Variants in ASXL3 observed in about 807,000 individuals in gnomAD.
ASXL3 encodes putative Polycomb group protein ASXL3.
A neutral mutation model predicts 170.6 loss-of-function variants in ASXL3; 34 were observed. The observed-to-expected ratio is 0.20, with a 90% CI of 0.15 to 0.27. The LOEUF is 0.27. ASXL3 is among the 10% of genes least tolerant of loss of function. The pLI is 1.00. For missense variants in ASXL3, 2,592 were observed against 2,695.3 expected, an observed-to-expected ratio of 0.96 and a Z score of 0.85; for synonymous variants, 1,002 against 989.1, an observed-to-expected ratio of 1.01 and a Z score of -0.24.
intron 2 of ASXL3, among the ~76,000 whole-genome samples, chr18:33,621,290 T>C (rs766177999): frequency 3.9e-5 from 6 of 152,136 alleles, no homozygotes; most frequent in Non-Finnish European, 7.4e-5. Context: ...AAGAAGAATG[T>C]ACAAAAGTAT....
chr18:33,742,817 T>G, intron 11 of ASXL3, 71 bp from the exon 12 acceptor site: 1 of 1,488,044 alleles, frequency 6.7e-7, no homozygotes, highest in Non-Finnish European at 8.9e-7. Flanking sequence ...CCTTGCATTA[T>G]CACATTCTAC....
intron 2 of ASXL3, among the ~76,000 whole-genome samples, chr18:33,623,856 T>C (rs2065556962): frequency 6.6e-6 from 1 of 152,164 alleles, no homozygotes; most frequent in Non-Finnish European, 1.5e-5. Flanking sequence ...GTTTTTAATA[T>C]ATATTAACGA....
At chr18:33,631,215 A>C (rs1024580037) in intron 2 of ASXL3, among the ~76,000 whole-genome samples, 8 of 152,172 alleles carry the variant, frequency 5.3e-5, no homozygotes, top group Admixed American at 3.9e-4. Flanking sequence ...AAAACCAATG[A>C]CCCTCTAGCA....
At chr18:33,709,301 CA>C (rs71159840) in intron 8 of ASXL3, among the ~76,000 whole-genome samples, 7,187 of 120,148 alleles carry the variant, frequency 0.06, 207 homozygotes, top group South Asian at 0.13. Context: ...ATATGTTTAC[CA>C]AAAAAAAAAA....
At chr18:33,637,645 T>G (rs549615632) in intron 2 of ASXL3, among the ~76,000 whole-genome samples, 1 of 152,286 alleles carries the variant, frequency 6.6e-6, no homozygotes, top group South Asian at 2.1e-4. Context: ...TTTTGTAAGA[T>G]ACAGTTTTTG....
chr18:33,719,440 C>A (rs1357245825), intron 8 of ASXL3, among the ~76,000 whole-genome samples: 1 of 152,004 alleles, frequency 6.6e-6, no homozygotes, highest in South Asian at 2.1e-4. Context: ...TTTCTTTGTT[C>A]ATTGTATTTC....
chr18:33,738,190 C>T (rs2145410511), intron 10 of ASXL3, among the ~76,000 whole-genome samples: 1 of 152,092 alleles, frequency 6.6e-6, no homozygotes, highest in African/African-American at 2.4e-5. Context: ...TTTTCTAATA[C>T]TTTGTTGTAT....
intron 6 of ASXL3, 69 bp from the exon 7 acceptor site, chr18:33,671,678 C>G: frequency 7.2e-7 from 1 of 1,396,074 alleles, no homozygotes; most frequent in South Asian, 1.4e-5. Flanking sequence ...GTTCCTCAAA[C>G]AATTTTAGAT....
intron 2 of ASXL3, among the ~76,000 whole-genome samples, chr18:33,628,906 T>C (rs2065638277): frequency 6.6e-6 from 1 of 152,178 alleles, no homozygotes; most frequent in African/African-American, 2.4e-5. Context: ...GAATTCATAC[T>C]AGCAGTTTTC....
intron 2 of ASXL3, among the ~76,000 whole-genome samples, chr18:33,632,938 T>C (rs2065701630): frequency 6.6e-6 from 1 of 152,312 alleles, no homozygotes; most frequent in Admixed American, 6.5e-5. Flanking sequence ...CTAAATGTCA[T>C]GAGCCATGAA....
Position 33,742,983 on chromosome 18 carries a change from C to T in ASXL3, c.3135C>T (p.Gly1045=), listed in dbSNP as rs756794926. ...SRASTSTSVS[G]GRNTGARTLA... ...CATCCACTAGCACATCTGTCAGTGG[C>T]GGGAGGAACACAGGAGCCAGGACCC... is the stretch of plus-strand genomic sequence containing the variant. Residue 1045 remains glycine, a synonymous_variant, in exon 12 of 12, where the codon GGC becomes GGT. Transcript: ENST00000269197. 2.6e-5 allele frequency: 42 copies of T among 1,613,594 alleles called. No individual in the cohort carries two copies. The highest frequency in any genetic ancestry group is 3.4e-5 in the Non-Finnish European group (40 of 1,179,782).
intron 8 of ASXL3, among the ~76,000 whole-genome samples, chr18:33,712,749 G>A (rs2067089259): frequency 2.0e-5 from 3 of 152,146 alleles, no homozygotes; most frequent in African/African-American, 7.2e-5. Flanking sequence ...TTGTTAGTTG[G>A]TTTTCAAGGT....
rs1311169127 is a variant in ASXL3, at chr18:33,639,047, T to C, written c.138-5847T>C. Among the ~76,000 whole-genome samples, 4 of 152,214 alleles carry C rather than the reference T, an allele frequency of 2.6e-5. No homozygotes were observed. In the East Asian group the frequency reaches 7.7e-4, roughly 29 times the overall value. On this transcript the variant is annotated intron_variant, in intron 2 of 11. Transcript: ENST00000269197. ...TAAAATATTACCTGAGCCAATTCTT[T>C]AAACAAGCTGTGAAATATTAATTTC...
chr18:33,702,473 T>C (rs537520104), intron 8 of ASXL3, among the ~76,000 whole-genome samples: 1 of 152,290 alleles, frequency 6.6e-6, no homozygotes, highest in South Asian at 2.1e-4. Flanking sequence ...ACAGCCTTGG[T>C]TGGCCATGAG....
intron 1 of ASXL3, among the ~76,000 whole-genome samples, chr18:33,600,922 G>A (rs879640209): frequency 6.6e-6 from 1 of 152,112 alleles, no homozygotes; most frequent in Admixed American, 6.6e-5. Flanking sequence ...GTTGTTGGAA[G>A]TAAGTTGTTA....
rs2067810387 is a variant in ASXL3 at position 33,747,218 on chromosome 18, A to C, written c.*623A>C. 6.6e-6 allele frequency: 1 copy of C among 152,202 alleles called. No homozygotes were observed. The highest frequency in any genetic ancestry group is 2.4e-5 in the African/African-American group (1 of 41,456). 9.4% of individuals were successfully genotyped at this position (152,202 alleles called of 1,614,324 possible). On this transcript the variant is annotated 3_prime_UTR_variant, in exon 12 of 12. Coordinates refer to ENST00000269197, the MANE Select transcript of ASXL3 (RefSeq NM_030632.3). ...TGTACTTTCTCAGAGACTATGGCAG[A>C]ATATCTGGATCTTCCTTGGATTTTG...
rs749469718 is a variant in ASXL3 at position 33,742,933 on chromosome 18, C to T, written c.3085C>T (p.Pro1029Ser). Residue 1029 changes from proline (P) to serine (S), a missense_variant, in exon 12 of 12, where the codon CCA (proline) becomes TCA (serine). Pro to Ser is a moderately conservative substitution (Grantham distance 74). Transcript: ENST00000269197. Reference protein sequence around the residue: ...IGPPFIIKSQPVSKPESRAST... With the variant: ...IGPPFIIKSQSVSKPESRAST... ...GCCACCTTTTATAATCAAGAGCCAACCAGTCTCCAAACCTGAGTCTCGAGC... is the reference window on the plus strand; with the variant it reads ...GCCACCTTTTATAATCAAGAGCCAATCAGTCTCCAAACCTGAGTCTCGAGC... 6.2e-7 allele frequency: 1 copy of T among 1,610,074 alleles called. No homozygotes were observed. The highest frequency in any genetic ancestry group is 1.3e-5 in the African/African-American group (1 of 74,714).
intron 8 of ASXL3, chr18:33,690,306 A>C (rs1435062973): frequency 6.6e-6 from 1 of 152,196 alleles, no homozygotes; most frequent in Admixed American, 6.5e-5. Flanking sequence ...CATGAAATCA[A>C]GATGTCATGA....
rs61995734 is a variant in ASXL3, at chr18:33,743,884, A to C, written c.4036A>C (p.Ile1346Leu). Residue 1346 changes from isoleucine to leucine, a missense_variant, in exon 12 of 12, where the codon ATC becomes CTC. Physicochemically the swap from Ile to Leu is conservative, Grantham distance 5. Transcript: ENST00000269197. Reference protein sequence around the residue: ...TQYTSVPTPSIGNNLPNLSTS... With the variant: ...TQYTSVPTPSLGNNLPNLSTS... ...GTACACCTCTGTGCCAACTCCCTCC[A>C]TCGGAAACAATTTGCCAAACCTCTC... is the stretch of plus-strand genomic sequence containing the variant. 6.2e-7 allele frequency: 1 copy of C among 1,613,978 alleles called. No homozygotes were observed. The highest frequency in any genetic ancestry group is 1.1e-5 in the South Asian group (1 of 91,084).
Sources: allele counts gnomAD v4.1 joint callset (sites outside exome capture counted in the v4.1 genomes callset), GRCh38; gene constraint gnomAD v4.1.1; transcripts MANE v1.5; gene names NCBI Gene and HGNC (gene_info 2026-07-23, HGNC 2026-07-21).